Variants in CHUK observed in about 807,000 individuals in gnomAD.
The protein encoded by CHUK is component of inhibitor of nuclear factor kappa B kinase complex.
A neutral mutation model predicts 104.8 loss-of-function variants in CHUK; 35 were observed. The ratio of observed to expected loss-of-function variants is 0.33; its 90% CI spans 0.26 to 0.44. The LOEUF is 0.44. CHUK is among the 20% of genes least tolerant of loss of function. The pLI, the probability that CHUK is intolerant of heterozygous loss-of-function variation, is 1.00. For synonymous variants in CHUK, 276 were observed against 291.9 expected (o/e 0.95, Z 0.56); for missense variants, 663 against 902.7 (o/e 0.73, Z 3.40).
chr10:100,190,419 C>G, intron 20 of CHUK: 1 of 182,998 alleles, frequency 5.5e-6, no homozygotes, highest in South Asian at 1.0e-4. Flanking sequence ...GTAATTTCCT[C>G]AAGTTTTAAC....
At chr10:100,190,020 CT>C (rs10549639) in intron 20 of CHUK, 1,882 of 136,616 alleles carry the variant, frequency 0.014, 7 homozygotes, top group South Asian at 0.026. Flanking sequence ...CACCATTATC[CT>C]TTTTTTTTTT....
At chr10:100,195,246 T>A (rs966450929) in intron 16 of CHUK, 1 of 152,226 alleles carries the variant, frequency 6.6e-6, no homozygotes, top group African/African-American at 2.4e-5. Context: ...TGCTGGTATA[T>A]TCTTTGGACA....
At chr10:100,200,395 T>G (rs971008079) in intron 15 of CHUK, among the ~76,000 whole-genome samples, 3 of 152,110 alleles carry the variant, frequency 2.0e-5, no homozygotes, top group African/African-American at 7.2e-5. Flanking sequence ...GTATAATGAG[T>G]AGGGAAATAG....
At position 100,189,530 on chromosome 10, in the gene CHUK, G is replaced by GA. The variant is rs1845145707; in HGVS notation, c.*67dup. Reference sequence around the variant, plus strand: ...ATGTCTGAAGAATGGTTTCATGGGGGAAAAACACATTTCCAACATGTATAG... The same window carrying GA: ...ATGTCTGAAGAATGGTTTCATGGGGGAAAAAACACATTTCCAACATGTATAG... On this transcript the variant is annotated 3_prime_UTR_variant, in exon 21 of 21. Coordinates refer to ENST00000370397, the MANE Select transcript of CHUK (RefSeq NM_001278.5). The GA allele has an allele frequency of 7.8e-7, 1 of 1,287,760 alleles. No homozygotes were observed. Among genetic ancestry groups the GA allele is most frequent in the African/African-American group, 1.5e-5 (1 of 68,588 alleles). 79.8% of individuals were successfully genotyped at this position (1,287,760 alleles called of 1,614,324 possible). A position where few individuals can be genotyped will look rare whatever the true frequency, so the allele number is the denominator to read the frequency against.
At chr10:100,196,174 T>C (rs1845321881) in intron 16 of CHUK, among the ~76,000 whole-genome samples, 1 of 152,208 alleles carries the variant, frequency 6.6e-6, no homozygotes, top group Non-Finnish European at 1.5e-5. Flanking sequence ...TATTTTACTC[T>C]AGCTACAACT....
At chr10:100,187,535 T>C (rs180992640), downstream of CHUK, 175 of 152,344 alleles carry the variant, frequency 1.1e-3, no homozygotes, top group African/African-American at 4.0e-3. Context: ...CTGTTTTCTG[T>C]AGACATTCTC....
At chr10:100,220,526 A>G in intron 5 of CHUK, 62 bp downstream of exon 5, 2 of 1,144,438 alleles carry the variant, frequency 1.7e-6, no homozygotes, top group Non-Finnish European at 1.3e-6. Flanking sequence ...AAGCTCAAGG[A>G]CTAACTATAT....
chr10:100,220,997 G>A (rs926189417), intron 4 of CHUK, among the ~76,000 whole-genome samples: 2 of 152,112 alleles, frequency 1.3e-5, no homozygotes, highest in African/African-American at 4.8e-5. Flanking sequence ...TTGGACTTTA[G>A]CCCTCATGAC....
At chr10:100,192,676 G>C in intron 19 of CHUK, 1 of 986,854 alleles carries the variant, frequency 1.0e-6, no homozygotes, top group Non-Finnish European at 1.2e-6. Context: ...ACTGGCTTTG[G>C]ATACGGCACA....
At position 100,212,605 on chromosome 10, in the gene CHUK, G is replaced by A. The variant is rs1323085648; in HGVS notation, c.934-2816C>T. On this transcript the variant is annotated intron_variant, in intron 9 of 20. Coordinates refer to ENST00000370397, the MANE Select transcript of CHUK (RefSeq NM_001278.5). Reference sequence around the variant, plus strand: ...AATCCATGGGTTGGGTTGCTTTTTCGTTTTGTTGATTATTTTTTCTACTGT... The same window carrying A: ...AATCCATGGGTTGGGTTGCTTTTTCATTTTGTTGATTATTTTTTCTACTGT... Among the ~76,000 whole-genome samples, 6 of 152,062 alleles carry A rather than the reference G, an allele frequency of 3.9e-5. No individual in the cohort carries two copies. The South Asian group carries it at 6.2e-4, about 16-fold the overall frequency.
At chr10:100,192,614 A>G in intron 19 of CHUK, 12 of 985,938 alleles carry the variant, frequency 1.2e-5, no homozygotes, top group Non-Finnish European at 1.4e-5. Context: ...GGTGCTGTAG[A>G]GGTCTCCATG....
chr10:100,223,089 G>T, intron 2 of CHUK, 109 bp from the exon 3 acceptor site: 1 of 611,408 alleles, frequency 1.6e-6, no homozygotes, highest in African/African-American at 1.9e-5. Context: ...GGAAAGATCA[G>T]TATTATTTAT....
chr10:100,209,762 C>A lies in CHUK; in HGVS notation c.961G>T (p.Ala321Ser). The change falls in exon 10 of 21, where the codon GCA becomes TCA. Residue 321 changes from alanine (A) to serine (S), a missense_variant. By Grantham distance (99) the Ala-to-Ser change is moderately conservative. This residue lies in a region of CHUK where 93 missense variants were observed against 95.9 expected (regional missense o/e 0.97). Transcript: ENST00000370397. The stretch of plus-strand genomic sequence containing the variant: ...GGTAACAGAAAAGAAATTATCTTTG[C>A]AGAAGTCATATTTAGGATGTGTACT... Reference protein sequence around the residue: ...KIVHILNMTSAKIISFLLPPD... With the variant: ...KIVHILNMTSSKIISFLLPPD... 1 of 1,497,230 alleles carries A rather than the reference C, an allele frequency of 6.7e-7. No homozygotes were observed. The highest frequency in any genetic ancestry group is 2.3e-5 in the East Asian group (1 of 44,236). The allele number at this position is 1,497,230 out of a possible 1,614,324, so 92.7% of individuals were successfully genotyped here. A position where few individuals can be genotyped will look rare whatever the true frequency, so the allele number is the denominator to read the frequency against.
In CHUK at chr10:100,194,532, CATCA is replaced by C. The variant is rs1845279885; in HGVS notation, c.1730-15_1730-12del. ...CACTGTAGGAGTGATCTATAAAAGA[CATCA>C]GTCAGTGGATATAACCTTTCTTCTG... On this transcript the variant is annotated splice_polypyrimidine_tract_variant and intron_variant, in intron 16 of 20. Coordinates refer to ENST00000370397, the MANE Select transcript of CHUK (RefSeq NM_001278.5). 6.4e-7 allele frequency: 1 copy of C among 1,570,852 alleles called. No individual in the cohort carries two copies. The highest frequency in any genetic ancestry group is 8.8e-7 in the Non-Finnish European group (1 of 1,141,388).
chr10:100,225,882 G>A, intron 2 of CHUK, 41 bp downstream of exon 2: 1 of 1,123,608 alleles, frequency 8.9e-7, no homozygotes, highest in Non-Finnish European at 1.4e-6. Flanking sequence ...ATCTGGTTGG[G>A]CTGTAGAACC....
chr10:100,221,191 CT>C (rs1220597678), intron 4 of CHUK, among the ~76,000 whole-genome samples: 1 of 152,134 alleles, frequency 6.6e-6, no homozygotes, highest in Non-Finnish European at 1.5e-5. Flanking sequence ...AATCCCAGCA[CT>C]TTGGGAGGCC....
intron 9 of CHUK, among the ~76,000 whole-genome samples, chr10:100,212,873 C>T (rs972823516): frequency 6.6e-6 from 1 of 151,636 alleles, no homozygotes; most frequent in African/African-American, 2.4e-5. Context: ...GGCTTGGTGG[C>T]ACAACGCCTA....
At chr10:100,215,117 C>T (rs1845822016) in intron 9 of CHUK, among the ~76,000 whole-genome samples, 1 of 151,248 alleles carries the variant, frequency 6.6e-6, no homozygotes, top group Non-Finnish European at 1.5e-5. Flanking sequence ...CACCTGTAAT[C>T]CCAGCTACTC....
chr10:100,191,493 C>T (rs1410589690), intron 19 of CHUK, among the ~76,000 whole-genome samples: 1 of 152,148 alleles, frequency 6.6e-6, no homozygotes, highest in Non-Finnish European at 1.5e-5. Context: ...AACAAGCAAG[C>T]TGATTCCTGA....
Sources: gnomAD v4.1 joint callset for allele counts (sites outside exome capture counted in the v4.1 genomes callset) on GRCh38, gnomAD v4.1.1 for gene constraint, gnomAD v4.1.1 regional missense constraint, MANE v1.5 for transcripts, NCBI Gene and HGNC (gene_info 2026-07-23, HGNC 2026-07-21) for gene names.